The following EPM2A variants were observed in gnomAD, a reference collection of about 807,000 sequenced individuals.
EPM2A encodes the protein EPM2A glucan phosphatase, laforin.
In EPM2A, 21 loss-of-function variants were observed where a neutral mutation model predicts 26.5. The observed-to-expected ratio is 0.79, with a 90% CI of 0.56 to 1.14. The LOEUF (loss-of-function observed/expected upper bound fraction) is 1.14, where lower values mean the gene tolerates loss of function less well. Ranked by LOEUF, EPM2A falls within the 50% of genes most tolerant of loss-of-function variation. EPM2A has a pLI of 0.00. For missense variants in EPM2A, 458 were observed against 440.8 expected, an observed-to-expected ratio of 1.04 and a Z score of -0.35; for synonymous variants, 217 against 177.6, an observed-to-expected ratio of 1.22 and a Z score of -1.76.
chr6:145,513,380 T>G (rs1203767026), intron 2 of EPM2A, among the ~76,000 whole-genome samples: 2 of 152,124 alleles, frequency 1.3e-5, no homozygotes, highest in African/African-American at 4.8e-5. Flanking sequence ...TCAGAATGGC[T>G]ATTATTAAAA....
chr6:145,698,076 G>T (rs1041528944), intron 1 of EPM2A, among the ~76,000 whole-genome samples: 12 of 152,254 alleles, frequency 7.9e-5, no homozygotes, highest in Non-Finnish European at 2.9e-5. Context: ...GTATTAATTT[G>T]GGGAACTAAT....
At chr6:145,452,489 C>A (rs1420601096) in intron 4 of EPM2A, among the ~76,000 whole-genome samples, 10 of 75,860 alleles carry the variant, frequency 1.3e-4, no homozygotes, top group East Asian at 4.4e-4. Flanking sequence ...ACTAAAAATA[C>A]AAAAAAAAAA....
chr6:145,705,528 C>T, intron 1 of EPM2A: 1 of 456,136 alleles, frequency 2.2e-6, no homozygotes, highest in Non-Finnish European at 4.4e-6. Flanking sequence ...GCACTCCAGC[C>T]TGGGCGACAG....
chr6:145,705,186 C>A (rs999252647), intron 1 of EPM2A, among the ~76,000 whole-genome samples: 2 of 152,132 alleles, frequency 1.3e-5, no homozygotes, highest in Admixed American at 6.5e-5. Context: ...CAGTGGCTCA[C>A]GCCTGTAATC....
At chr6:145,622,888 G>A (rs1775667451), downstream of EPM2A, among the ~76,000 whole-genome samples, 1 of 152,198 alleles carries the variant, frequency 6.6e-6, no homozygotes, top group South Asian at 2.1e-4. Flanking sequence ...ATTATAATGG[G>A]TGGTTCATTA....
chr6:145,545,289 C>T (rs1780568901), intron 2 of EPM2A, among the ~76,000 whole-genome samples: 1 of 152,150 alleles, frequency 6.6e-6, no homozygotes, highest in Non-Finnish European at 1.5e-5. Flanking sequence ...ATGTTTCATC[C>T]TTAGACCAGT....
intron 4 of EPM2A, among the ~76,000 whole-genome samples, chr6:145,395,138 T>A (rs1383091508): frequency 1.3e-5 from 2 of 152,060 alleles, no homozygotes; most frequent in East Asian, 3.9e-4. Context: ...CTCTCCACTA[T>A]CAAGCAGCAG....
chr6:145,512,258 T>C (rs1780064285), intron 2 of EPM2A, among the ~76,000 whole-genome samples: 1 of 152,028 alleles, frequency 6.6e-6, no homozygotes, highest in African/African-American at 2.4e-5. Flanking sequence ...TCCTAAAGTA[T>C]ATATAAAACC....
intron 4 of EPM2A, chr6:145,491,091 A>G (rs1779748734): frequency 1.5e-6 from 1 of 670,568 alleles, no homozygotes; most frequent in East Asian, 4.2e-5. Context: ...AGTTGCTGCA[A>G]TCTTCCTTTT....
At chr6:145,388,734 A>G (rs1033917335) in intron 4 of EPM2A, among the ~76,000 whole-genome samples, 5 of 151,648 alleles carry the variant, frequency 3.3e-5, no homozygotes, top group African/African-American at 9.7e-5. Context: ...TCATTGTTCA[A>G]CTCCCACTTA....
At chr6:145,547,874 A>G (rs386678) in intron 2 of EPM2A, among the ~76,000 whole-genome samples, 86,161 of 151,720 alleles carry the variant, frequency 0.57, 25,588 homozygotes, top group African/African-American at 0.76. Flanking sequence ...CCTTTTAAAT[A>G]TTTTTCCTAC....
At chr6:145,439,709 G>T (rs1779037002) in intron 4 of EPM2A, among the ~76,000 whole-genome samples, 1 of 152,036 alleles carries the variant, frequency 6.6e-6, no homozygotes, top group South Asian at 2.1e-4. Flanking sequence ...GAAGATTTTG[G>T]ATATTAGATA....
intron 4 of EPM2A, among the ~76,000 whole-genome samples, chr6:145,465,076 A>G (rs1403958292): frequency 6.6e-6 from 1 of 152,060 alleles, no homozygotes; most frequent in East Asian, 1.9e-4. Flanking sequence ...GTGTTTTCCA[A>G]CTTGGTTCCA....
At chr6:145,597,818 T>C (rs1240047407) in intron 2 of EPM2A, among the ~76,000 whole-genome samples, 1 of 152,224 alleles carries the variant, frequency 6.6e-6, no homozygotes, top group Admixed American at 6.5e-5. Context: ...AATGAGAACA[T>C]GCAGTATTTA....
At chr6:145,498,283 G>A (rs539383658), downstream of EPM2A, among the ~76,000 whole-genome samples, 1 of 152,330 alleles carries the variant, frequency 6.6e-6, no homozygotes, top group Admixed American at 6.5e-5. Flanking sequence ...GTCTTATTCT[G>A]TGAGGCACCA....
intron 2 of EPM2A, among the ~76,000 whole-genome samples, chr6:145,645,112 C>T (rs532375579): frequency 6.6e-6 from 1 of 152,194 alleles, no homozygotes; most frequent in African/African-American, 2.4e-5. Context: ...TTCATCCTGG[C>T]AAGACCTTCA....
intron 1 of EPM2A, among the ~76,000 whole-genome samples, chr6:145,717,894 A>T (rs1325408463): frequency 9.3e-5 from 14 of 150,344 alleles, no homozygotes; most frequent in South Asian, 6.4e-4. Flanking sequence ...TAAAATACCT[A>T]GGAATCCAAC....
At chr6:145,473,922 C>T (rs1458085823) in intron 4 of EPM2A, among the ~76,000 whole-genome samples, 1 of 152,012 alleles carries the variant, frequency 6.6e-6, no homozygotes, top group Admixed American at 6.6e-5. Context: ...AAAGGGAGTA[C>T]TTCAATTAGA....
At chr6:145,668,201 C>A in intron 2 of EPM2A, among the ~76,000 whole-genome samples, 1 of 151,546 alleles carries the variant, frequency 6.6e-6, no homozygotes, top group South Asian at 2.1e-4. Flanking sequence ...CTCAGTAAAG[C>A]TAAACAGGCC....
Sources: gnomAD v4.1 joint callset for allele counts (sites outside exome capture counted in the v4.1 genomes callset) on GRCh38, gnomAD v4.1.1 for gene constraint, MANE v1.5 for transcripts, NCBI Gene and HGNC (gene_info 2026-07-23, HGNC 2026-07-21) for gene names.